The following CAMK2D variants were observed in gnomAD, a reference collection of about 807,000 sequenced individuals.
CAMK2D encodes the protein calcium/calmodulin dependent protein kinase II delta.
In CAMK2D, 37 loss-of-function variants were observed where a neutral mutation model predicts 84.0. The observed-to-expected ratio is 0.44, with a 90% CI of 0.34 to 0.58. The LOEUF is 0.58. CAMK2D is among the 20% of genes least tolerant of loss of function. The pLI, the probability that CAMK2D is intolerant of heterozygous loss-of-function variation, is 0.02. For synonymous variants in CAMK2D, 202 were observed against 212.5 expected, an observed-to-expected ratio of 0.95 and a Z score of 0.43; for missense variants, 448 against 652.5, an observed-to-expected ratio of 0.69 and a Z score of 3.41.
intron 16 of CAMK2D, among the ~76,000 whole-genome samples, chr4:113,498,084 A>ATGT (rs1323131528): frequency 1.3e-5 from 2 of 152,180 alleles, no homozygotes; most frequent in East Asian, 3.8e-4. Context: ...TAGTTATAGA[A>ATGT]TGTTAGATAT....
At chr4:113,616,560 T>C (rs1273560831) in intron 3 of CAMK2D, among the ~76,000 whole-genome samples, 2 of 152,166 alleles carry the variant, frequency 1.3e-5, no homozygotes, top group African/African-American at 4.8e-5. Flanking sequence ...CCTGGGAGAA[T>C]TTCAACCTGG....
chr4:113,732,243 C>T (rs867209314), intron 2 of CAMK2D, among the ~76,000 whole-genome samples: 2 of 152,034 alleles, frequency 1.3e-5, no homozygotes, highest in Non-Finnish European at 2.9e-5. Flanking sequence ...CCCACCTCAG[C>T]CTCCCAGGTA....
intron 4 of CAMK2D, among the ~76,000 whole-genome samples, chr4:113,557,026 A>T (rs1404254399): frequency 3.3e-5 from 5 of 152,150 alleles, no homozygotes; most frequent in Non-Finnish European, 7.4e-5. Context: ...CAGGGTGAAG[A>T]GGCCCAACCA....
At chr4:113,503,287 T>C in intron 14 of CAMK2D, 2 of 595,518 alleles carry the variant, frequency 3.4e-6, no homozygotes, top group Non-Finnish European at 6.4e-6. Flanking sequence ...ATCCTATGCT[T>C]TCCTTTCTTC....
At chr4:113,712,458 T>C (rs2099496459) in intron 2 of CAMK2D, among the ~76,000 whole-genome samples, 1 of 152,138 alleles carries the variant, frequency 6.6e-6, no homozygotes. Context: ...TTTAAAGACT[T>C]GAACTGTTCC....
chr4:113,485,637 A>G (rs1287385330), intron 16 of CAMK2D, among the ~76,000 whole-genome samples: 1 of 152,162 alleles, frequency 6.6e-6, no homozygotes, highest in Non-Finnish European at 1.5e-5. Context: ...TGGACATCTT[A>G]CCACATCTTT....
chr4:113,508,373 G>C, intron 13 of CAMK2D: 1 of 795,102 alleles, frequency 1.3e-6, no homozygotes, highest in Non-Finnish European at 2.1e-6. Context: ...TTAAAGAGGA[G>C]CTATAAGTTG....
At chr4:113,478,845 CA>C (rs1423989632) in intron 16 of CAMK2D, among the ~76,000 whole-genome samples, 4 of 151,914 alleles carry the variant, frequency 2.6e-5, no homozygotes, top group Non-Finnish European at 5.9e-5. Context: ...TCAAATTGTA[CA>C]ATTGTAAAAA....
intron 2 of CAMK2D, among the ~76,000 whole-genome samples, chr4:113,744,522 C>A (rs1418544425): frequency 1.3e-5 from 2 of 152,046 alleles, no homozygotes; most frequent in Non-Finnish European, 2.9e-5. Context: ...CCTAAACTAG[C>A]CCTCTTTTCA....
intron 2 of CAMK2D, among the ~76,000 whole-genome samples, chr4:113,748,890 G>T (rs186178665): frequency 6.6e-6 from 1 of 151,666 alleles, no homozygotes; most frequent in Non-Finnish European, 1.5e-5. Flanking sequence ...CTGTAATAAA[G>T]ATTTATTTCA....
At chr4:113,622,420 C>T (rs2154278167) in intron 3 of CAMK2D, among the ~76,000 whole-genome samples, 1 of 152,280 alleles carries the variant, frequency 6.6e-6, no homozygotes, top group South Asian at 2.1e-4. Flanking sequence ...CCTTCACATT[C>T]TCCCTCACTG....
chr4:113,518,937 A>C (rs2098322286), intron 8 of CAMK2D, among the ~76,000 whole-genome samples: 1 of 152,166 alleles, frequency 6.6e-6, no homozygotes, highest in Non-Finnish European at 1.5e-5. Context: ...AAGGATAAAA[A>C]ATTTTAAACA....
chr4:113,533,904 A>T (rs1236654773), intron 7 of CAMK2D, among the ~76,000 whole-genome samples: 11 of 148,684 alleles, frequency 7.4e-5, no homozygotes, highest in Non-Finnish European at 1.6e-4. Context: ...AATGATAATT[A>T]AAAAAAAAAC....
intron 8 of CAMK2D, among the ~76,000 whole-genome samples, chr4:113,529,689 C>T (rs2098445208): frequency 6.6e-6 from 1 of 152,126 alleles, no homozygotes; most frequent in Non-Finnish European, 1.5e-5. Flanking sequence ...TTTGGGCCTG[C>T]ATAGGATACT....
chr4:113,454,891 A>G (rs1178001844), intron 20 of CAMK2D, among the ~76,000 whole-genome samples: 1 of 152,182 alleles, frequency 6.6e-6, no homozygotes, highest in Non-Finnish European at 1.5e-5. Context: ...ATTCAAGTTC[A>G]TCCTTAGCTT....
chr4:113,476,011 G>A (rs1589857925), intron 16 of CAMK2D, among the ~76,000 whole-genome samples: 4 of 152,222 alleles, frequency 2.6e-5, no homozygotes, highest in Middle Eastern at 6.8e-3. Flanking sequence ...ACAGTAAGTG[G>A]GGAACTAGTG....
At chr4:113,666,853 A>T (rs1338155762) in intron 2 of CAMK2D, among the ~76,000 whole-genome samples, 1 of 152,002 alleles carries the variant, frequency 6.6e-6, no homozygotes, top group Non-Finnish European at 1.5e-5. Flanking sequence ...TAAGCTGCTG[A>T]GCTGCTGAGC....
intron 4 of CAMK2D, among the ~76,000 whole-genome samples, chr4:113,607,401 G>C (rs1265758840): frequency 1.3e-5 from 2 of 151,994 alleles, no homozygotes; most frequent in Non-Finnish European, 2.9e-5. Flanking sequence ...TACCTGTCAG[G>C]CCTCTGAGCC....
intron 3 of CAMK2D, among the ~76,000 whole-genome samples, chr4:113,633,285 G>A (rs866337236): frequency 1.3e-5 from 2 of 152,092 alleles, no homozygotes; most frequent in African/African-American, 4.8e-5. Context: ...GTAATTTTTG[G>A]TTATTTCCAC....
Sources: gnomAD v4.1 joint callset for allele counts (sites outside exome capture counted in the v4.1 genomes callset) on GRCh38, gnomAD v4.1.1 for gene constraint, MANE v1.5 for transcripts, NCBI Gene and HGNC (gene_info 2026-07-23, HGNC 2026-07-21) for gene names.